DHDDS: variants seen among roughly 807,000 people sequenced by gnomAD.
DHDDS encodes dehydrodolichyl diphosphate synthase complex subunit DHDDS.
Under a neutral mutation model 46.2 loss-of-function variants are expected in DHDDS, and 16 were observed. That is an observed-to-expected ratio of 0.35 (90% CI 0.23 to 0.53). The LOEUF (loss-of-function observed/expected upper bound fraction) is 0.53. Among genes scored for constraint, DHDDS ranks in the 20% least tolerant of loss-of-function variants. DHDDS has a pLI of 0.94. For synonymous variants in DHDDS, 151 were observed against 163.1 expected, an observed-to-expected ratio of 0.93 and a Z score of 0.56; for missense variants, 340 against 423.7, an observed-to-expected ratio of 0.80 and a Z score of 1.73.
intron 3 of DHDDS, among the ~76,000 whole-genome samples, chr1:26,439,072 A>C (rs2075191367): frequency 6.6e-6 from 1 of 152,036 alleles, no homozygotes; most frequent in Non-Finnish European, 1.5e-5. Flanking sequence ...TTGAGATTGA[A>C]CACCCGTCAC....
rs370849250 is a variant in DHDDS at position 26,447,521 on chromosome 1, T to C, written c.441-38T>C. ...CAGTGACTTCAATCATCAGTCCCTGTCCCCCTTTGGTAAATTATTCTCTTC... is the reference window on the plus strand; with the variant it reads ...CAGTGACTTCAATCATCAGTCCCTGCCCCCCTTTGGTAAATTATTCTCTTC... On this transcript the variant is annotated intron_variant, in intron 5 of 8. Coordinates refer to ENST00000236342, the MANE Select transcript of DHDDS (RefSeq NM_205861.3). The C allele has an allele frequency of 4.8e-5, 73 of 1,535,198 alleles. No homozygotes were observed. In the African/African-American group the frequency reaches 9.1e-4, roughly 19 times the overall value.
intron 3 of DHDDS, among the ~76,000 whole-genome samples, chr1:26,440,538 G>A (rs973689827): frequency 3.3e-5 from 5 of 152,198 alleles, no homozygotes; most frequent in African/African-American, 1.2e-4. Flanking sequence ...TGAAAAGCAT[G>A]TAGCACAGGC....
chr1:26,449,992 A>G (rs891018691), intron 6 of DHDDS, among the ~76,000 whole-genome samples: 2 of 152,220 alleles, frequency 1.3e-5, no homozygotes, highest in Non-Finnish European at 2.9e-5. Context: ...TGTCAGGTCA[A>G]CAGTTCAGCG....
At chr1:26,452,601 C>G (rs1483877508) in intron 6 of DHDDS, among the ~76,000 whole-genome samples, 2 of 152,110 alleles carry the variant, frequency 1.3e-5, no homozygotes, top group African/African-American at 4.8e-5. Flanking sequence ...TATCCTTAGA[C>G]CCTATAAGGT....
chr1:26,446,687 A>AGTGTGTGTGT (rs138481581), intron 5 of DHDDS, among the ~76,000 whole-genome samples: 6 of 149,106 alleles, frequency 4.0e-5, no homozygotes, highest in African/African-American at 1.5e-4. Context: ...CCACCAAATA[A>AGTGTGTGTGT]GTGTGTGTGT....
intron 6 of DHDDS, among the ~76,000 whole-genome samples, chr1:26,457,304 C>CAA (rs752860215): frequency 6.4e-5 from 6 of 94,358 alleles, no homozygotes; most frequent in African/African-American, 1.5e-4. Flanking sequence ...ACTAAAAATA[C>CAA]AAAAAAAAAA....
intron 6 of DHDDS, among the ~76,000 whole-genome samples, chr1:26,456,856 ATGTG>A (rs908379248): frequency 1.3e-5 from 2 of 152,128 alleles, no homozygotes; most frequent in Non-Finnish European, 2.9e-5. Flanking sequence ...GAATGTTTGA[ATGTG>A]TGTGTATGTT....
chr1:26,455,878 G>A (rs964995025), intron 6 of DHDDS, among the ~76,000 whole-genome samples: 2 of 152,114 alleles, frequency 1.3e-5, no homozygotes, highest in Non-Finnish European at 2.9e-5. Flanking sequence ...AGAAATTTTT[G>A]TCTTCTGGAC....
chr1:26,462,879 G>C (rs886523903), intron 8 of DHDDS: 2 of 152,190 alleles, frequency 1.3e-5, no homozygotes, highest in African/African-American at 4.8e-5. Flanking sequence ...TTCTTGAGGA[G>C]ACAGAAATAA....
At chr1:26,454,895 G>A (rs2075356532) in intron 6 of DHDDS, 1 of 1,596,940 alleles carries the variant, frequency 6.3e-7, no homozygotes, top group Admixed American at 1.7e-5. Context: ...ATTACTCTCT[G>A]CATTTTTAAG....
rs531619680 is a variant in DHDDS at position 26,464,301 on chromosome 1, C to T, written c.765+4157C>T. 9.7e-4 allele frequency among the ~76,000 whole-genome samples: 147 copies of T among 152,230 alleles called. 1 individual carries two copies. The highest frequency in any genetic ancestry group is 2.8e-3 in the African/African-American group (117 of 41,550). The stretch of plus-strand genomic sequence containing the variant: ...AGCCGCTGCGCCCGGCCTATATTTG[C>T]AAACTTTTATTGAGTTCTTACCACA... On this transcript the variant is annotated intron_variant, in intron 8 of 8. Coordinates refer to ENST00000236342, the MANE Select transcript of DHDDS (RefSeq NM_205861.3).
intron 3 of DHDDS, among the ~76,000 whole-genome samples, chr1:26,439,256 G>A (rs1439278412): frequency 6.6e-6 from 1 of 152,082 alleles, no homozygotes; most frequent in African/African-American, 2.4e-5. Context: ...ATTTTTTAAG[G>A]TGTATATATA....
At chr1:26,436,509 CG>C (rs367745257) in intron 2 of DHDDS, among the ~76,000 whole-genome samples, 27 of 152,024 alleles carry the variant, frequency 1.8e-4, no homozygotes, top group African/African-American at 6.0e-4. Context: ...CTGCAAGCTC[CG>C]CCTCCCGGGT....
At position 26,459,361 on chromosome 1, in the gene DHDDS, G is replaced by C. The variant is rs184862008; in HGVS notation, c.658-676G>C. ...TCCTCACCACTAGAGATATCAGGCA[G>C]TGGCTGTCAAGAGTGTTCCAAAGGG... On this transcript the variant is annotated intron_variant, in intron 7 of 8. Coordinates refer to ENST00000236342, the MANE Select transcript of DHDDS (RefSeq NM_205861.3). Among the ~76,000 whole-genome samples, 69 of 152,316 alleles carry C rather than the reference G, an allele frequency of 4.5e-4. 1 individual carries two copies. The highest frequency in any genetic ancestry group is 1.6e-3 in the African/African-American group (66 of 41,582).
intron 3 of DHDDS, among the ~76,000 whole-genome samples, chr1:26,442,246 TTTTTC>T (rs1415628047): frequency 6.6e-6 from 1 of 152,234 alleles, no homozygotes; most frequent in African/African-American, 2.4e-5. Flanking sequence ...GTTGTTGCTT[TTTTTC>T]TTTTAACTCA....
At position 26,469,204 on chromosome 1, in the gene DHDDS, A is replaced by G. The variant is rs1175803557; in HGVS notation, c.*73A>G. 3.1e-6 allele frequency: 5 copies of G among 1,605,600 alleles called. No homozygotes were observed. The highest frequency in any genetic ancestry group is 1.3e-5 in the African/African-American group (1 of 74,958). Reference sequence around the variant, plus strand: ...TCCACTCCCCTTCCTTTTCTTGGTGAAAGGCACCTCCTTTCCTGATAATGA... The same window carrying G: ...TCCACTCCCCTTCCTTTTCTTGGTGGAAGGCACCTCCTTTCCTGATAATGA... On this transcript the variant is annotated 3_prime_UTR_variant, in exon 9 of 9. Transcript: ENST00000236342.
At chr1:26,460,233 C>A in intron 8 of DHDDS, 89 bp downstream of exon 8, 2 of 1,021,560 alleles carry the variant, frequency 2.0e-6, no homozygotes, top group African/African-American at 1.6e-5. Context: ...ATACCAGGCA[C>A]TTCCTAATAA....
At chr1:26,442,899 A>G (rs1346105144) in intron 4 of DHDDS, 26 bp downstream of exon 4, 5 of 1,613,616 alleles carry the variant, frequency 3.1e-6, no homozygotes, top group South Asian at 1.1e-5. Context: ...AGGGGAGAGC[A>G]TGTTCTTCCA....
chr1:26,444,227 G>C lies in DHDDS; in HGVS notation c.323+1354G>C, dbSNP rs867533860. ...CCTGGCAAAAGCAAGAAGAAACTCAGAGGTGCTTTTCCATTAATGTGCCAC... is the reference window on the plus strand; with the variant it reads ...CCTGGCAAAAGCAAGAAGAAACTCACAGGTGCTTTTCCATTAATGTGCCAC... On this transcript the variant is annotated intron_variant, in intron 4 of 8. Coordinates refer to ENST00000236342, the MANE Select transcript of DHDDS (RefSeq NM_205861.3). Among the ~76,000 whole-genome samples the C allele has an allele frequency of 1.2e-4, 18 of 152,200 alleles. No homozygotes were observed. In the South Asian group the frequency reaches 2.3e-3, roughly 19 times the overall value.
Sources: allele counts gnomAD v4.1 joint callset (sites outside exome capture counted in the v4.1 genomes callset), GRCh38; gene constraint gnomAD v4.1.1; transcripts MANE v1.5; gene names NCBI Gene and HGNC (gene_info 2026-07-23, HGNC 2026-07-21).